Variants in TNK2 observed in about 807,000 individuals in gnomAD.
TNK2 encodes the protein activated CDC42 kinase 1.
Under a neutral mutation model 101.8 loss-of-function variants are expected in TNK2, and 83 were observed. The observed-to-expected ratio is 0.82, with a 90% CI of 0.68 to 0.98. The LOEUF (loss-of-function observed/expected upper bound fraction) is 0.98. TNK2 is among the 50% of genes least tolerant of loss of function. The pLI, the probability that TNK2 is intolerant of heterozygous loss-of-function variation, is 0.00. For missense variants in TNK2, 1,665 were observed against 1,483.2 expected, an observed-to-expected ratio of 1.12 and a Z score of -2.01; for synonymous variants, 804 against 633.0, an observed-to-expected ratio of 1.27 and a Z score of -4.06.
In TNK2 at chr3:195,868,291, G is replaced by A. The variant is rs141121252; in HGVS notation, c.2007C>T (p.Leu669=). The part of the protein sequence containing the change: ...DFEICSINST[L]VGAGVPAGPS... The stretch of plus-strand genomic sequence containing the variant: ...GCCCGGCAGGGACCCCCGCGCCCAC[G>A]AGGGTGCTGTTGATGGAGCAGATCT... The change falls in exon 13 of 16, where the codon CTC becomes CTT. Residue 669 remains leucine (L), a synonymous_variant. Coordinates refer to ENST00000672887, the MANE Select transcript of TNK2 (RefSeq NM_001382273.1). 7.7e-5 allele frequency: 124 copies of A among 1,603,778 alleles called. No homozygotes were observed. The highest frequency in any genetic ancestry group is 1.3e-4 in the East Asian group (6 of 44,860).
chr3:195,887,495 T>C (rs1382920881), intron 2 of TNK2, among the ~76,000 whole-genome samples: 1 of 152,256 alleles, frequency 6.6e-6, no homozygotes, highest in Non-Finnish European at 1.5e-5. Context: ...TTATTACCTA[T>C]TTAGCTATTT....
At chr3:195,873,444 G>A (rs952125488) in intron 9 of TNK2, among the ~76,000 whole-genome samples, 15 of 115,036 alleles carry the variant, frequency 1.3e-4, no homozygotes, top group African/African-American at 4.3e-4. Flanking sequence ...GAGCCCCGTG[G>A]GCAGTGTCTG....
At position 195,884,763 on chromosome 3, in the gene TNK2, G is replaced by GC. The variant is rs1303440369; in HGVS notation, c.456+48dup. On this transcript the variant is annotated intron_variant, in intron 4 of 15. Coordinates refer to ENST00000672887, the MANE Select transcript of TNK2 (RefSeq NM_001382273.1). ...GTTGGGGGCAGAAGAGCCACTACCA[G>GC]CCCCGGGTCCCATGCCTCTGCTGCG... 4 of 1,532,376 alleles carry GC rather than the reference G, an allele frequency of 2.6e-6. No individual in the cohort carries two copies. In the African/African-American group the frequency reaches 5.5e-5, roughly 21 times the overall value. The allele number at this position is 1,532,376 out of a possible 1,614,324, so 94.9% of individuals were successfully genotyped here. A position where few individuals can be genotyped will look rare whatever the true frequency, so the allele number is the denominator to read the frequency against.
In TNK2 at chr3:195,867,566, G is replaced by T; in HGVS notation, c.2732C>A (p.Pro911Gln). The change falls in exon 13 of 16, where the codon CCA becomes CAA. Residue 911 changes from proline (P) to glutamine (Q), a missense_variant. Physicochemically the swap from Pro to Gln is moderately conservative, Grantham distance 76. Transcript: ENST00000672887. ...TPLPVPLLLPPPSTPAPAAPT... is the reference protein window; with the variant it reads ...TPLPVPLLLPQPSTPAPAAPT... Reference sequence around the variant, plus strand: ...GGCGGCGGGGGCTGGGGTGCTGGGTGGGGGCAGCAGCAGAGGCACAGGCAG... The same window carrying T: ...GGCGGCGGGGGCTGGGGTGCTGGGTTGGGGCAGCAGCAGAGGCACAGGCAG... 6.4e-7 allele frequency: 1 copy of T among 1,573,028 alleles called. No homozygotes were observed. Among genetic ancestry groups the T allele is most frequent in the Non-Finnish European group, 8.6e-7 (1 of 1,167,516 alleles).
intron 9 of TNK2, among the ~76,000 whole-genome samples, chr3:195,873,500 C>T (rs1011911282): frequency 6.6e-6 from 1 of 151,256 alleles, no homozygotes; most frequent in Non-Finnish European, 1.5e-5. Context: ...TCTGGGCAGG[C>T]GGGGGCGGTG....
Position 195,885,033 on chromosome 3 carries a change from C to G in TNK2, c.235G>C (p.Val79Leu), listed in dbSNP as rs1290585194. 1 of 1,591,934 alleles carries G rather than the reference C, an allele frequency of 6.3e-7. No homozygotes were observed. ...GCCTCCAGTCGCTTTCCACTGAACACCTGTTTGAAGGCAGCCGGGGGCCAG... is the reference window on the plus strand; with the variant it reads ...GCCTCCAGTCGCTTTCCACTGAACAGCTGTTTGAAGGCAGCCGGGGGCCAG... Reference protein sequence around the residue: ...LCKRKSWMSKVFSGKRLEAEF... With the variant: ...LCKRKSWMSKLFSGKRLEAEF... The change falls in exon 4 of 16, where the codon GTG becomes CTG. Residue 79 changes from valine (V) to leucine (L), a missense_variant and splice_region_variant. Coordinates refer to ENST00000672887, the MANE Select transcript of TNK2 (RefSeq NM_001382273.1). This position sits in a 1 kb window ranked among gnomAD's most constrained non-coding sequence, Gnocchi z 4.7.
chr3:195,898,340 G>A (rs1760860429), intron 1 of TNK2, among the ~76,000 whole-genome samples: 1 of 152,156 alleles, frequency 6.6e-6, no homozygotes, highest in Non-Finnish European at 1.5e-5. Flanking sequence ...GGCAACTTTT[G>A]AGCAAACAAC....
In TNK2 at chr3:195,872,290, C is replaced by A; in HGVS notation, c.1437G>T (p.Pro479=). 1 of 1,613,402 alleles carries A rather than the reference C, an allele frequency of 6.2e-7. No individual in the cohort carries two copies. The highest frequency in any genetic ancestry group is 8.5e-7 in the Non-Finnish European group (1 of 1,179,916). The part of the protein sequence containing the change: ...DSDPRHCWGF[P]DRIDELYLGN... ...CCAGTACTCACTCGTCAATCCTGTCCGGGAAGCCCCAGCAGTGGCGGGGGT... is the reference window on the plus strand; with the variant it reads ...CCAGTACTCACTCGTCAATCCTGTCAGGGAAGCCCCAGCAGTGGCGGGGGT... Residue 479 remains proline, a synonymous_variant, in exon 10 of 16, where the codon CCG becomes CCT. Transcript: ENST00000672887.
chr3:195,881,512 A>ATCC, intron 6 of TNK2, among the ~76,000 whole-genome samples: 2 of 82,122 alleles, frequency 2.4e-5, no homozygotes, highest in Non-Finnish European at 4.4e-5. Flanking sequence ...CTTGGAGAGG[A>ATCC]CACGGCATCT....
rs538477167 is a variant in TNK2, at chr3:195,884,685, G to A, written c.456+127C>T. 2.3e-4 allele frequency: 183 copies of A among 789,190 alleles called. 3 individuals are homozygous for A. The highest frequency in any genetic ancestry group is 1.7e-3 in the South Asian group (81 of 46,874). 48.9% of individuals were successfully genotyped at this position (789,190 alleles called of 1,614,324 possible). A position where few individuals can be genotyped will look rare whatever the true frequency, so the allele number is the denominator to read the frequency against. Reference sequence around the variant, plus strand: ...ATAAAACCCCAAAAATCCTGAGCACGGACTCTGGGATGAGCCACACTGTGA... The same window carrying A: ...ATAAAACCCCAAAAATCCTGAGCACAGACTCTGGGATGAGCCACACTGTGA... On this transcript the variant is annotated intron_variant, in intron 4 of 15. Transcript: ENST00000672887.
chr3:195,895,292 T>A, intron 1 of TNK2: 1 of 1,570,442 alleles, frequency 6.4e-7, no homozygotes, highest in Non-Finnish European at 8.6e-7. Flanking sequence ...AGCAGATCTC[T>A]CCCCCATGGA....
At position 195,878,416 on chromosome 3, in the gene TNK2, C is replaced by T. The variant is rs780201683; in HGVS notation, c.1161+30G>A. ...TGGGTAGCCCCTCAGCTTGAACACC[C>T]CAGCTCTCCTGGGCTGACCTGTCCC... is the stretch of plus-strand genomic sequence containing the variant. On this transcript the variant is annotated intron_variant, in intron 8 of 15. Coordinates refer to ENST00000672887, the MANE Select transcript of TNK2 (RefSeq NM_001382273.1). The surrounding 1 kb of genome is among the most constrained non-coding windows in gnomAD (Gnocchi z 4.7). 1 of 1,613,896 alleles carries T rather than the reference C, an allele frequency of 6.2e-7. No homozygotes were observed. The highest frequency in any genetic ancestry group is 8.5e-7 in the Non-Finnish European group (1 of 1,179,944).
chr3:195,884,300 TTTTATAATAAA>T (rs1754615937), intron 4 of TNK2: 2 of 151,670 alleles, frequency 1.3e-5, no homozygotes, highest in Non-Finnish European at 2.9e-5. Flanking sequence ...CTTTCCAAAC[TTTTATAATAAA>T]TTATTTTTAT....
intron 2 of TNK2, 121 bp from the exon 3 acceptor site, chr3:195,887,168 G>A: frequency 1.1e-6 from 1 of 942,882 alleles, no homozygotes; most frequent in South Asian, 1.5e-5. Flanking sequence ...TGATAGCAAT[G>A]AAATCAACCC....
At position 195,870,253 on chromosome 3, in the gene TNK2, G is replaced by A. The variant is rs562131562; in HGVS notation, c.1452-48C>T. ...AAGAGAGCAGGGGAAGCGTGTGGAG[G>A]GGTGGCAGAATCTCATCAGAGCCCC... On this transcript the variant is annotated intron_variant, in intron 10 of 15. Transcript: ENST00000672887. 185 of 1,598,826 alleles carry A rather than the reference G, an allele frequency of 1.2e-4. 2 individuals are homozygous for A. The South Asian group carries it at 1.5e-3, about 13-fold the overall frequency.
rs190389389 is a variant in TNK2 at position 195,899,009 on chromosome 3, T to C, written c.-19+9476A>G. Among the ~76,000 whole-genome samples, 134 of 151,616 alleles carry C rather than the reference T, an allele frequency of 8.8e-4. 1 individual carries two copies. The highest frequency in any genetic ancestry group is 3.2e-3 in the African/African-American group (132 of 41,382). On this transcript the variant is annotated intron_variant, in intron 1 of 15. Transcript: ENST00000672887. ...TACTCGGGAGGCTGAGGCAGGAGAATGGCGTGAACCCGGGAGGCGGAGGTT... is the reference window on the plus strand; with the variant it reads ...TACTCGGGAGGCTGAGGCAGGAGAACGGCGTGAACCCGGGAGGCGGAGGTT...
At position 195,878,633 on chromosome 3, in the gene TNK2, G is replaced by A. The variant is rs374555372; in HGVS notation, c.1015-41C>T. The A allele has an allele frequency of 1.7e-5, 27 of 1,595,620 alleles. No individual in the cohort carries two copies. The highest frequency in any genetic ancestry group is 2.1e-5 in the Non-Finnish European group (24 of 1,169,228). On this transcript the variant is annotated intron_variant, in intron 7 of 15. Coordinates refer to ENST00000672887, the MANE Select transcript of TNK2 (RefSeq NM_001382273.1). The surrounding 1 kb of genome is among the most constrained non-coding windows in gnomAD (Gnocchi z 4.7). ...TGCAGAGTTTGACGACAAACAGAGCGCCCAGCCCTTCACTTCCCGCCTTCC... is the reference window on the plus strand; with the variant it reads ...TGCAGAGTTTGACGACAAACAGAGCACCCAGCCCTTCACTTCCCGCCTTCC...
intron 2 of TNK2, among the ~76,000 whole-genome samples, chr3:195,887,534 T>G (rs1283512054): frequency 6.6e-6 from 1 of 152,248 alleles, no homozygotes; most frequent in Admixed American, 6.5e-5. Flanking sequence ...ACTTGACACA[T>G]TATTACCTAT....
chr3:195,882,864 AATAG>A lies in TNK2; in HGVS notation c.609+289_609+292del, dbSNP rs1176157470. 1.3e-5 allele frequency among the ~76,000 whole-genome samples: 2 copies of A among 152,168 alleles called. No individual in the cohort carries two copies. The highest frequency in any genetic ancestry group is 2.9e-5 in the Non-Finnish European group (2 of 68,028). The stretch of plus-strand genomic sequence containing the variant: ...CAAAGTGAGACTCCATCTCAAAATA[AATAG>A]ATAAATAAAACATAAATTCCCCAAA... On this transcript the variant is annotated intron_variant, in intron 5 of 15. Coordinates refer to ENST00000672887, the MANE Select transcript of TNK2 (RefSeq NM_001382273.1). The surrounding 1 kb of genome is among the most constrained non-coding windows in gnomAD (Gnocchi z 4.2).
Sources: gnomAD v4.1 joint callset for allele counts (sites outside exome capture counted in the v4.1 genomes callset) on GRCh38, gnomAD v4.1.1 for gene constraint, Gnocchi (gnomAD v3.1) non-coding constraint, MANE v1.5 for transcripts, NCBI Gene and HGNC (gene_info 2026-07-23, HGNC 2026-07-21) for gene names.